The following SLC24A2 variants were observed in gnomAD, a reference collection of about 807,000 sequenced individuals.
SLC24A2 encodes the protein sodium/potassium/calcium exchanger 2.
A neutral mutation model predicts 62.0 loss-of-function variants in SLC24A2; 36 were observed. That is an observed-to-expected ratio of 0.58 (90% CI 0.44 to 0.77). The LOEUF is 0.77. SLC24A2 is among the 30% of genes least tolerant of loss of function. The pLI is 0.00. For missense variants in SLC24A2, 846 were observed against 817.9 expected (o/e 1.03, Z -0.42); for synonymous variants, 358 against 294.0 (o/e 1.22, Z -2.23).
the SLC24A2 span, among the ~76,000 whole-genome samples, chr9:20,148,416 G>A: frequency 4.3e-4 from 65 of 152,006 alleles, no homozygotes; most frequent in Non-Finnish European, 6.8e-4. Flanking sequence ...TAGATAAAAC[G>A]CTTCTGTACC....
chr9:19,776,764 T>A (rs1478072048), intron 2 of SLC24A2, among the ~76,000 whole-genome samples: 4 of 152,210 alleles, frequency 2.6e-5, no homozygotes, highest in Non-Finnish European at 5.9e-5. Flanking sequence ...TAGACTCTGG[T>A]CTTCTGTTTA....
intron 2 of SLC24A2, among the ~76,000 whole-genome samples, chr9:19,675,036 T>A (rs1819523089): frequency 6.6e-6 from 1 of 152,178 alleles, no homozygotes; most frequent in Admixed American, 6.5e-5. Flanking sequence ...GATTCTTTTG[T>A]CCCACAGGGT....
intron 2 of SLC24A2, among the ~76,000 whole-genome samples, chr9:19,752,259 T>A (rs1822006357): frequency 6.6e-6 from 1 of 152,022 alleles, no homozygotes; most frequent in African/African-American, 2.4e-5. Context: ...AAATATACAG[T>A]AACTCACCCT....
In SLC24A2 at chr9:19,511,352, C is replaced by A. The variant is rs1426368515; in HGVS notation, c.*4801G>T. ...TAGAAGGTGGAATAGGGCAGGGTTA[C>A]TTTTCTTACCCAAGGTCTTCCTGAG... On this transcript the variant is annotated 3_prime_UTR_variant, in exon 11 of 11. Coordinates refer to ENST00000341998, the MANE Select transcript of SLC24A2 (RefSeq NM_020344.4). The A allele has an allele frequency of 1.3e-5, 2 of 152,088 alleles. No individual in the cohort carries two copies. Among genetic ancestry groups the A allele is most frequent in the Non-Finnish European group, 2.9e-5 (2 of 68,012 alleles). 9.4% of individuals were successfully genotyped at this position (152,088 alleles called of 1,614,324 possible). A position where few individuals can be genotyped will look rare whatever the true frequency, so the allele number is the denominator to read the frequency against.
the SLC24A2 span, among the ~76,000 whole-genome samples, chr9:20,257,295 C>T: frequency 1.3e-5 from 2 of 151,856 alleles, no homozygotes; most frequent in East Asian, 3.8e-4. Context: ...GGAACAAATA[C>T]ACTCCAAAAA....
the SLC24A2 span, among the ~76,000 whole-genome samples, chr9:20,280,114 G>C: frequency 6.6e-6 from 1 of 152,194 alleles, no homozygotes; most frequent in African/African-American, 2.4e-5. Context: ...GTCTGAGATG[G>C]GGATTCTTGA....
intron 2 of SLC24A2, among the ~76,000 whole-genome samples, chr9:19,700,710 G>A (rs1820331828): frequency 6.6e-6 from 1 of 152,110 alleles, no homozygotes; most frequent in Non-Finnish European, 1.5e-5. Flanking sequence ...CCTAGATTCT[G>A]GATTTATCTA....
At chr9:20,146,119 C>G in the SLC24A2 span, among the ~76,000 whole-genome samples, 1 of 152,102 alleles carries the variant, frequency 6.6e-6, no homozygotes, top group East Asian at 1.9e-4. Context: ...TATTTTTTCA[C>G]TGATTTGTGT....
chr9:20,262,251 G>A, the SLC24A2 span, among the ~76,000 whole-genome samples: 1 of 152,172 alleles, frequency 6.6e-6, no homozygotes, highest in East Asian at 1.9e-4. Flanking sequence ...CACTGGGGTT[G>A]GGCGAACATG....
At chr9:20,219,250 C>T in the SLC24A2 span, among the ~76,000 whole-genome samples, 1 of 152,104 alleles carries the variant, frequency 6.6e-6, no homozygotes, top group African/African-American at 2.4e-5. Context: ...AGGGAGGACT[C>T]ACTCCTACCA....
the SLC24A2 span, among the ~76,000 whole-genome samples, chr9:20,100,529 G>C: frequency 6.6e-6 from 1 of 152,302 alleles, no homozygotes; most frequent in Middle Eastern, 3.4e-3. Context: ...TACAAGGTCT[G>C]CTTCTCATTA....
In SLC24A2 at chr9:19,582,256, T is replaced by C. The variant is rs570430685; in HGVS notation, c.1130-5234A>G. On this transcript the variant is annotated intron_variant, in intron 5 of 10. Coordinates refer to ENST00000341998, the MANE Select transcript of SLC24A2 (RefSeq NM_020344.4). Reference sequence around the variant, plus strand: ...TTCATGCTGCATGGAAAAACAACGTTTGGAGGGTCTGTTCACTCAAAGGAA... The same window carrying C: ...TTCATGCTGCATGGAAAAACAACGTCTGGAGGGTCTGTTCACTCAAAGGAA... 3.3e-5 allele frequency among the ~76,000 whole-genome samples: 5 copies of C among 152,254 alleles called. No individual in the cohort carries two copies. In the East Asian group the frequency reaches 7.7e-4, roughly 24 times the overall value.
intron 7 of SLC24A2, among the ~76,000 whole-genome samples, chr9:19,553,513 T>C (rs1834941601): frequency 6.6e-6 from 1 of 152,232 alleles, no homozygotes; most frequent in Non-Finnish European, 1.5e-5. Flanking sequence ...CTTTAGGGCC[T>C]TGTAATCTTT....
chr9:20,254,336 T>C, the SLC24A2 span, among the ~76,000 whole-genome samples: 2 of 152,190 alleles, frequency 1.3e-5, no homozygotes, highest in Non-Finnish European at 2.9e-5. Context: ...TCAAAATCAA[T>C]TTAATGAGCA....
the SLC24A2 span, among the ~76,000 whole-genome samples, chr9:20,288,041 A>AAC: frequency 2.7e-4 from 39 of 146,682 alleles, no homozygotes; most frequent in Middle Eastern, 3.5e-3. Context: ...TTAGGAAAAA[A>AAC]ACACACACAC....
chr9:20,274,790 G>C, the SLC24A2 span, among the ~76,000 whole-genome samples: 1 of 152,020 alleles, frequency 6.6e-6, no homozygotes, highest in East Asian at 1.9e-4. Context: ...GAGATCTCTT[G>C]GGGATGAAGA....
chr9:20,150,219 C>T, the SLC24A2 span, among the ~76,000 whole-genome samples: 1 of 151,914 alleles, frequency 6.6e-6, no homozygotes, highest in Non-Finnish European at 1.5e-5. Flanking sequence ...GATTTGTTCA[C>T]AGGTTAGCCC....
chr9:20,084,100 G>C, the SLC24A2 span, among the ~76,000 whole-genome samples: 2 of 152,168 alleles, frequency 1.3e-5, no homozygotes. Flanking sequence ...TGGAGCAGGA[G>C]ATTTACAAAA....
the SLC24A2 span, among the ~76,000 whole-genome samples, chr9:20,056,488 C>A: frequency 2.0e-5 from 3 of 152,194 alleles, no homozygotes; most frequent in Admixed American, 2.0e-4. Context: ...GATTAATAAT[C>A]TGAAGTTCTT....
Sources: gnomAD v4.1 joint callset for allele counts (sites outside exome capture counted in the v4.1 genomes callset) on GRCh38, gnomAD v4.1.1 for gene constraint, MANE v1.5 for transcripts, NCBI Gene and HGNC (gene_info 2026-07-23, HGNC 2026-07-21) for gene names.